MORN1: variants seen among roughly 807,000 people sequenced by gnomAD.
MORN1 encodes the protein MORN repeat containing 1.
MORN1 carries 67 observed loss-of-function variants against 61.9 expected under a neutral mutation model. The ratio of observed to expected loss-of-function variants is 1.08; its 90% CI spans 0.89 to 1.33. MORN1 has a LOEUF of 1.33. MORN1 is among the 40% of genes most tolerant of loss of function. The pLI is 0.00. For missense variants in MORN1, 752 were observed against 691.2 expected (o/e 1.09, Z -0.99); for synonymous variants, 301 against 292.0 (o/e 1.03, Z -0.31).
chr1:2,350,516 A>C (rs1423349035), intron 10 of MORN1: 1 of 152,286 alleles, frequency 6.6e-6, no homozygotes, highest in Non-Finnish European at 1.5e-5. Context: ...CTGGGACCCC[A>C]AGTCCACGTC....
chr1:2,376,746 G>T (rs1384199184), intron 6 of MORN1: 3 of 152,170 alleles, frequency 2.0e-5, no homozygotes, highest in Non-Finnish European at 4.4e-5. Context: ...TGGGAGGGCT[G>T]AGCCAGGCAA....
At chr1:2,388,109 T>C (rs1421942653) in intron 3 of MORN1, 130 bp downstream of exon 3, 6 of 697,652 alleles carry the variant, frequency 8.6e-6, no homozygotes, top group East Asian at 2.6e-5. Context: ...GGCTTCTCGG[T>C]AGGCCAGGCC....
chr1:2,382,728 C>T lies in MORN1; in HGVS notation c.537+2250G>A, dbSNP rs374726420. 3.3e-5 allele frequency among the ~76,000 whole-genome samples: 5 copies of T among 152,308 alleles called. No homozygotes were observed. The East Asian group carries it at 5.8e-4, about 18-fold the overall frequency. The stretch of plus-strand genomic sequence containing the variant: ...CAAGTCCCCAGGGGAGAAGAGGCTA[C>T]AGCATCTCCTGCATATGGCTCAGGT... On this transcript the variant is annotated intron_variant, in intron 6 of 13. Transcript: ENST00000378531.
chr1:2,351,979 T>A, intron 10 of MORN1: 1 of 521,506 alleles, frequency 1.9e-6, no homozygotes, highest in Non-Finnish European at 3.7e-6. Flanking sequence ...CCAGTAGGCA[T>A]GCCCCCTCCA....
At chr1:2,347,901 A>C (rs1013242667) in intron 10 of MORN1, among the ~76,000 whole-genome samples, 2 of 152,242 alleles carry the variant, frequency 1.3e-5, no homozygotes, top group African/African-American at 4.8e-5. Flanking sequence ...GCCATCTGAA[A>C]GTCCGCTGCT....
chr1:2,331,226 C>T (rs1371084062), intron 12 of MORN1, among the ~76,000 whole-genome samples: 2 of 152,192 alleles, frequency 1.3e-5, no homozygotes, highest in African/African-American at 4.8e-5. Flanking sequence ...GCGGCTGGCG[C>T]AGGAGCCCCT....
At chr1:2,361,324 A>C (rs1641885547) in intron 8 of MORN1, among the ~76,000 whole-genome samples, 1 of 106,676 alleles carries the variant, frequency 9.4e-6, no homozygotes, top group Non-Finnish European at 1.8e-5. Flanking sequence ...TGGGAGGCCA[A>C]GGTTGGCAGA....
At position 2,321,307 on chromosome 1, in the gene MORN1, G is replaced by T; in HGVS notation, c.*76C>A. 9.0e-7 allele frequency: 1 copy of T among 1,114,250 alleles called. No homozygotes were observed. The highest frequency in any genetic ancestry group is 1.2e-6 in the Non-Finnish European group (1 of 810,108). The allele number at this position is 1,114,250 out of a possible 1,614,324, so 69.0% of individuals were successfully genotyped here. A position where few individuals can be genotyped will look rare whatever the true frequency, so the allele number is the denominator to read the frequency against. ...AGCAACCACGGGGCTCTGGAGAATCGGGGAGCAGAGTCACGCAAGCAGAGG... is the reference window on the plus strand; with the variant it reads ...AGCAACCACGGGGCTCTGGAGAATCTGGGAGCAGAGTCACGCAAGCAGAGG... On this transcript the variant is annotated 3_prime_UTR_variant, in exon 14 of 14. Transcript: ENST00000378531.
At chr1:2,349,394 C>T (rs1005982859) in intron 10 of MORN1, among the ~76,000 whole-genome samples, 2 of 152,228 alleles carry the variant, frequency 1.3e-5, no homozygotes, top group African/African-American at 4.8e-5. Context: ...ATTAGCCTTG[C>T]TCCCAGTCCC....
intron 8 of MORN1, among the ~76,000 whole-genome samples, chr1:2,363,871 T>C (rs1478080779): frequency 6.7e-6 from 1 of 149,020 alleles, no homozygotes; most frequent in African/African-American, 2.5e-5. Context: ...AAATGCCCAA[T>C]TCAAAAAAGA....
In MORN1 at chr1:2,357,076, G is replaced by C. The variant is rs1322444388; in HGVS notation, c.1036+356C>G. 6.6e-6 allele frequency among the ~76,000 whole-genome samples: 1 copy of C among 152,180 alleles called. No individual in the cohort carries two copies. The highest frequency in any genetic ancestry group is 1.5e-5 in the Non-Finnish European group (1 of 68,018). On this transcript the variant is annotated intron_variant, in intron 10 of 13. Transcript: ENST00000378531. This position sits in a 1 kb window ranked among gnomAD's most constrained non-coding sequence, Gnocchi z 6.3. ...CGGCGGCTGCTGTGAGGGCTCCCGG[G>C]CGGCAGGAGTGGCTGGGGCCGTGTC...
chr1:2,387,357 G>T, intron 4 of MORN1, 62 bp downstream of exon 4: 3 of 1,235,844 alleles, frequency 2.4e-6, no homozygotes, highest in Non-Finnish European at 2.4e-6. Context: ...CCAAGTGGAC[G>T]TAGGATTCCA....
chr1:2,322,302 C>G (rs905240356), intron 13 of MORN1: 3 of 985,290 alleles, frequency 3.0e-6, no homozygotes. Context: ...GGCACCGGAG[C>G]GTGGAAAAAG....
At chr1:2,369,611 T>C (rs935921014) in intron 8 of MORN1, among the ~76,000 whole-genome samples, 1 of 152,044 alleles carries the variant, frequency 6.6e-6, no homozygotes, top group South Asian at 2.1e-4. Context: ...GAGGTCAATA[T>C]GTAAAAATCA....
intron 12 of MORN1, among the ~76,000 whole-genome samples, chr1:2,335,343 C>G (rs1366749557): frequency 6.6e-6 from 1 of 152,164 alleles, no homozygotes; most frequent in East Asian, 1.9e-4. Flanking sequence ...AGGAGGCGGC[C>G]CCGGCACACT....
In MORN1 at chr1:2,348,392, C is replaced by T. The variant is rs966634159; in HGVS notation, c.1036+9040G>A. Among the ~76,000 whole-genome samples, 9 of 152,116 alleles carry T rather than the reference C, an allele frequency of 5.9e-5. No homozygotes were observed. In the East Asian group the frequency reaches 7.7e-4, roughly 13 times the overall value. The stretch of plus-strand genomic sequence containing the variant: ...GTGGAGTCCACCGTGAGGCTGGTGG[C>T]GCGTCTCCGTGGGGAGCTGACTCCT... On this transcript the variant is annotated intron_variant, in intron 10 of 13. Coordinates refer to ENST00000378531, the MANE Select transcript of MORN1 (RefSeq NM_024848.3).
At chr1:2,324,616 G>C (rs768029202) in intron 12 of MORN1, among the ~76,000 whole-genome samples, 2 of 152,178 alleles carry the variant, frequency 1.3e-5, no homozygotes, top group Non-Finnish European at 2.9e-5. Context: ...CCCCCTTGGA[G>C]GAACAGAGGC....
Position 2,374,685 on chromosome 1 carries a change from G to T in MORN1, c.538-128C>A. On this transcript the variant is annotated intron_variant, in intron 6 of 13. Transcript: ENST00000378531. ...CCAAAGGCTGCTAGAAAACCACATC[G>T]TCTCGAGGGTCCTTGCAGCCTGTCC... The T allele has an allele frequency of 5.8e-6, 4 of 689,638 alleles. 1 individual carries two copies. Among genetic ancestry groups the T allele is most frequent in the South Asian group, 5.5e-5 (3 of 54,220 alleles). 42.7% of individuals were successfully genotyped at this position (689,638 alleles called of 1,614,324 possible).
chr1:2,325,142 C>CCTT (rs1640987337), intron 12 of MORN1, among the ~76,000 whole-genome samples: 1 of 97,010 alleles, frequency 1.0e-5, no homozygotes, highest in Non-Finnish European at 2.1e-5. Context: ...TTCCCTCCCT[C>CCTT]CCTCCCTTCC....
Sources: allele counts gnomAD v4.1 joint callset (sites outside exome capture counted in the v4.1 genomes callset), GRCh38; gene constraint gnomAD v4.1.1; non-coding constraint Gnocchi (gnomAD v3.1); transcripts MANE v1.5; gene names NCBI Gene and HGNC (gene_info 2026-07-23, HGNC 2026-07-21).